SH3BGRL2: variants seen among roughly 807,000 people sequenced by gnomAD.
SH3BGRL2 encodes the protein SH3 domain-binding glutamic acid-rich-like protein 2.
A neutral mutation model predicts 14.8 loss-of-function variants in SH3BGRL2; 21 were observed. The ratio of observed to expected loss-of-function variants is 1.42; its 90% CI spans 1.01 to 2.05. SH3BGRL2 has a LOEUF of 2.05. Among genes scored for constraint, SH3BGRL2 ranks in the 30% most tolerant of loss-of-function variants. SH3BGRL2 has a pLI of 0.00. For missense variants in SH3BGRL2, 147 were observed against 130.8 expected (o/e 1.12, Z -0.61); for synonymous variants, 50 against 47.8 (o/e 1.05, Z -0.19).
the SH3BGRL2 span, among the ~76,000 whole-genome samples, chr6:79,539,726 G>T: frequency 3.9e-5 from 6 of 152,164 alleles, no homozygotes; most frequent in East Asian, 1.2e-3. Flanking sequence ...GAGTTTGAAT[G>T]GTTGGTTAGA....
In SH3BGRL2 at chr6:79,666,735, T is replaced by C. The variant is rs369812737; in HGVS notation, c.46-6879T>C. 1.4e-4 allele frequency among the ~76,000 whole-genome samples: 21 copies of C among 152,298 alleles called. No homozygotes were observed. The East Asian group carries it at 1.7e-3, about 13-fold the overall frequency. The stretch of plus-strand genomic sequence containing the variant: ...AGCTGTTTTAAAAAAAACTTTTCCC[T>C]TCTATTTTCTCTCACTGTCTGACTT... On this transcript the variant is annotated intron_variant, in intron 1 of 3. Transcript: ENST00000369838.
intron 1 of SH3BGRL2, among the ~76,000 whole-genome samples, chr6:79,653,901 G>C (rs550805020): frequency 6.6e-6 from 1 of 152,144 alleles, no homozygotes; most frequent in Non-Finnish European, 1.5e-5. Context: ...GTGGTCTCAA[G>C]GTTCTAATAG....
intron 1 of SH3BGRL2, among the ~76,000 whole-genome samples, chr6:79,639,694 G>A (rs1768994445): frequency 6.6e-6 from 1 of 152,088 alleles, no homozygotes; most frequent in African/African-American, 2.4e-5. Context: ...CCTGCTAAAT[G>A]TCAGTTTTTA....
At chr6:79,552,930 A>G in the SH3BGRL2 span, 2 of 152,198 alleles carry the variant, frequency 1.3e-5, no homozygotes, top group Non-Finnish European at 2.9e-5. Context: ...AGTGCTTCAG[A>G]TTGCAGTTAC....
the SH3BGRL2 span, among the ~76,000 whole-genome samples, chr6:79,600,752 A>G: frequency 2.6e-5 from 4 of 152,300 alleles, no homozygotes; most frequent in African/African-American, 7.2e-5. Context: ...GACACTGTCT[A>G]TCTTCCTTAA....
rs188318172 is a variant in SH3BGRL2, at chr6:79,694,027, G to A, written c.232-2458G>A. 2.4e-4 allele frequency among the ~76,000 whole-genome samples: 36 copies of A among 152,290 alleles called. No homozygotes were observed. The East Asian group carries it at 6.6e-3, about 28-fold the overall frequency. ...TGCCATTTTCTGAGACGTCTAGTTT[G>A]TGGAGTGGAAGATCATGAATTGTCG... On this transcript the variant is annotated intron_variant, in intron 2 of 3. Coordinates refer to ENST00000369838, the MANE Select transcript of SH3BGRL2 (RefSeq NM_031469.4).
At chr6:79,677,791 T>C (rs1172125832) in intron 2 of SH3BGRL2, among the ~76,000 whole-genome samples, 4 of 152,206 alleles carry the variant, frequency 2.6e-5, no homozygotes, top group African/African-American at 9.6e-5. Context: ...CTTATTCTTG[T>C]TGATTCCCTG....
rs1331641628 is a variant in SH3BGRL2 at position 79,702,278 on chromosome 6, G to A, written c.*2769G>A. ...TAAACTAAACTTTTTTTTGTCTCCCGTTATTGAAAAGTACCAAAGCTTCTT... is the reference window on the plus strand; with the variant it reads ...TAAACTAAACTTTTTTTTGTCTCCCATTATTGAAAAGTACCAAAGCTTCTT... On this transcript the variant is annotated 3_prime_UTR_variant, in exon 4 of 4. Coordinates refer to ENST00000369838, the MANE Select transcript of SH3BGRL2 (RefSeq NM_031469.4). The A allele has an allele frequency of 3.3e-5, 5 of 152,038 alleles. No homozygotes were observed. Among genetic ancestry groups the A allele is most frequent in the Non-Finnish European group, 7.4e-5 (5 of 67,892 alleles). The allele number at this position is 152,038 out of a possible 1,614,324, so 9.4% of individuals were successfully genotyped here.
At chr6:79,569,093 T>C in the SH3BGRL2 span, among the ~76,000 whole-genome samples, 1 of 152,192 alleles carries the variant, frequency 6.6e-6, no homozygotes, top group East Asian at 1.9e-4. Context: ...AATCAATACA[T>C]GTACGATGTA....
At chr6:79,623,133 T>A in the SH3BGRL2 span, among the ~76,000 whole-genome samples, 1 of 151,922 alleles carries the variant, frequency 6.6e-6, no homozygotes, top group Non-Finnish European at 1.5e-5. Context: ...TAGTGAAACC[T>A]TGTCTTTACT....
rs375645801 is a variant in SH3BGRL2, at chr6:79,701,289, G to C, written c.*1780G>C. On this transcript the variant is annotated 3_prime_UTR_variant, in exon 4 of 4. Transcript: ENST00000369838. ...AACTGGATATTGTGTTTGAGTATGT[G>C]AGTCTTCTGATAAAACTCAGAATTT... is the stretch of plus-strand genomic sequence containing the variant. The C allele has an allele frequency of 6.6e-6, 1 of 152,204 alleles. No individual in the cohort carries two copies. Among genetic ancestry groups the C allele is most frequent in the South Asian group, 2.1e-4 (1 of 4,818 alleles). 9.4% of individuals were successfully genotyped at this position (152,204 alleles called of 1,614,324 possible).
chr6:79,640,762 AG>A (rs1406083956), intron 1 of SH3BGRL2, among the ~76,000 whole-genome samples: 2 of 151,826 alleles, frequency 1.3e-5, no homozygotes, highest in African/African-American at 4.8e-5. Flanking sequence ...GGTGCGACTG[AG>A]GGCAGGGGGT....
At chr6:79,555,729 C>A in the SH3BGRL2 span, among the ~76,000 whole-genome samples, 5 of 152,124 alleles carry the variant, frequency 3.3e-5, no homozygotes, top group Admixed American at 3.3e-4. Context: ...AGGATGGTCT[C>A]GATCTCCTGA....
the SH3BGRL2 span, among the ~76,000 whole-genome samples, chr6:79,592,972 G>A: frequency 4.6e-5 from 7 of 152,076 alleles, no homozygotes; most frequent in South Asian, 2.1e-4. Flanking sequence ...TCTGCTGGGC[G>A]TAGAACAATT....
chr6:79,558,645 G>A, the SH3BGRL2 span, among the ~76,000 whole-genome samples: 2 of 151,812 alleles, frequency 1.3e-5, no homozygotes, highest in Admixed American at 6.6e-5. Context: ...AGGGCAGATC[G>A]CTTCAGCCCA....
At chr6:79,539,276 A>G in the SH3BGRL2 span, among the ~76,000 whole-genome samples, 1 of 152,228 alleles carries the variant, frequency 6.6e-6, no homozygotes, top group Admixed American at 6.5e-5. Flanking sequence ...ATGACATTAC[A>G]TGGTTTTATA....
the SH3BGRL2 span, chr6:79,552,849 T>C: frequency 6.6e-6 from 1 of 152,212 alleles, no homozygotes. Flanking sequence ...AATTTCACAA[T>C]TAACTTCTCA....
chr6:79,587,455 T>C, the SH3BGRL2 span, among the ~76,000 whole-genome samples: 1 of 152,064 alleles, frequency 6.6e-6, no homozygotes, highest in Non-Finnish European at 1.5e-5. Flanking sequence ...GCTGCAAGGG[T>C]CAGTGAAGAC....
chr6:79,668,390 T>C (rs914856668), intron 1 of SH3BGRL2, among the ~76,000 whole-genome samples: 25 of 152,290 alleles, frequency 1.6e-4, no homozygotes, highest in African/African-American at 5.1e-4. Context: ...CCACGGGTCA[T>C]TGAGTCTTCA....
Sources: allele counts gnomAD v4.1 joint callset (sites outside exome capture counted in the v4.1 genomes callset), GRCh38; gene constraint gnomAD v4.1.1; transcripts MANE v1.5; gene names NCBI Gene and HGNC (gene_info 2026-07-23, HGNC 2026-07-21).